The following MBOAT1 variants were observed in gnomAD, a reference collection of about 807,000 sequenced individuals.
MBOAT1 encodes membrane bound glycerophospholipid O-acyltransferase 1.
MBOAT1 carries 67 observed loss-of-function variants against 64.4 expected under a neutral mutation model. The ratio of observed to expected loss-of-function variants is 1.04; its 90% confidence interval spans 0.85 to 1.27. The LOEUF (loss-of-function observed/expected upper bound fraction) is 1.27. Among genes scored for constraint, MBOAT1 ranks in the 50% most tolerant of loss-of-function variants. The probability of loss-of-function intolerance (pLI) is 0.00; values close to 1 mark genes in which losing one functional copy is unlikely to be tolerated. For missense variants in MBOAT1, 563 were observed against 604.6 expected (o/e 0.93, Z 0.72); for synonymous variants, 229 against 218.9 (o/e 1.05, Z -0.41).
At chr6:20,126,054 A>C (rs143991776) in intron 7 of MBOAT1, 22 of 288,056 alleles carry the variant, frequency 7.6e-5, no homozygotes, top group Non-Finnish European at 1.3e-4. Flanking sequence ...TCTCAAGGTC[A>C]ACATAAGCAA....
In MBOAT1 at chr6:20,151,210, T is replaced by A. The variant is rs149062726; in HGVS notation, c.298A>T (p.Thr100Ser). ...CTGTGAATATTGGATACACTAGCAG[T>A]GACCATGATTGCATAGCACATTAAC... The part of the protein sequence containing the change: ...LVLMCYAIMV[T>S]ASVSNIHRYS... The change falls in exon 3 of 13, where the codon ACT becomes TCT. Residue 100 changes from threonine to serine, a missense_variant. By Grantham distance (58) the Thr-to-Ser change is moderately conservative. Transcript: ENST00000324607. 2.5e-4 allele frequency: 402 copies of A among 1,613,314 alleles called. 3 individuals are homozygous for A. Among genetic ancestry groups the A allele is most frequent in the Admixed American group, 1.2e-3 (71 of 59,986 alleles).
At chr6:20,190,696 C>T (rs149398247) in intron 1 of MBOAT1, among the ~76,000 whole-genome samples, 128 of 151,642 alleles carry the variant, frequency 8.4e-4, no homozygotes, top group African/African-American at 3.0e-3. Flanking sequence ...TGAGAAAGGC[C>T]ACTGCTTAAA....
intron 1 of MBOAT1, among the ~76,000 whole-genome samples, chr6:20,191,679 T>C (rs1762805911): frequency 6.6e-6 from 1 of 152,180 alleles, no homozygotes; most frequent in Non-Finnish European, 1.5e-5. Flanking sequence ...TTTCACCACA[T>C]TGGACAAGCC....
intron 1 of MBOAT1, among the ~76,000 whole-genome samples, chr6:20,165,495 C>A (rs1761990245): frequency 6.6e-6 from 1 of 152,160 alleles, no homozygotes; most frequent in Non-Finnish European, 1.5e-5. Flanking sequence ...GTAATCCTAG[C>A]ACTTTGGGAG....
chr6:20,209,445 A>G (rs1763356738), intron 1 of MBOAT1, among the ~76,000 whole-genome samples: 1 of 151,918 alleles, frequency 6.6e-6, no homozygotes, highest in Non-Finnish European at 1.5e-5. Flanking sequence ...TGGAAGAATC[A>G]GATGAAAAAG....
chr6:20,160,348 A>G (rs1413556853), intron 1 of MBOAT1, among the ~76,000 whole-genome samples: 2 of 152,252 alleles, frequency 1.3e-5, no homozygotes, highest in African/African-American at 4.8e-5. Flanking sequence ...ACAAATAGCA[A>G]ATATTAACGG....
chr6:20,126,963 C>A (rs1337647451), intron 6 of MBOAT1, among the ~76,000 whole-genome samples: 1 of 152,154 alleles, frequency 6.6e-6, no homozygotes, highest in African/African-American at 2.4e-5. Context: ...TGGGCGAGGG[C>A]AAGTGCAACT....
At chr6:20,116,044 T>C (rs1475572084) in intron 9 of MBOAT1, among the ~76,000 whole-genome samples, 1 of 151,070 alleles carries the variant, frequency 6.6e-6, no homozygotes, top group African/African-American at 2.4e-5. Context: ...ATAAAAAGCA[T>C]GATGCAGCCG....
intron 9 of MBOAT1, among the ~76,000 whole-genome samples, chr6:20,117,027 T>G (rs560330757): frequency 6.6e-6 from 1 of 152,244 alleles, no homozygotes; most frequent in African/African-American, 2.4e-5. Flanking sequence ...TTACGGATCA[T>G]GTATACTGTT....
At chr6:20,194,362 T>C (rs1762894034) in intron 1 of MBOAT1, among the ~76,000 whole-genome samples, 1 of 152,206 alleles carries the variant, frequency 6.6e-6, no homozygotes, top group Non-Finnish European at 1.5e-5. Flanking sequence ...GGTCACCATA[T>C]TGCATTTACA....
intron 8 of MBOAT1, 132 bp downstream of exon 8, chr6:20,124,276 G>A: frequency 1.2e-6 from 1 of 819,266 alleles, no homozygotes; most frequent in Non-Finnish European, 1.9e-6. Context: ...CGTTAAAACT[G>A]ACCCTGACTC....
At chr6:20,153,155 T>A (rs531668840) in intron 1 of MBOAT1, among the ~76,000 whole-genome samples, 1 of 152,320 alleles carries the variant, frequency 6.6e-6, no homozygotes, top group East Asian at 1.9e-4. Context: ...TTTTGCAGAT[T>A]TCCACATCAA....
At chr6:20,199,030 C>T (rs909751739) in intron 1 of MBOAT1, among the ~76,000 whole-genome samples, 2 of 152,322 alleles carry the variant, frequency 1.3e-5, no homozygotes, top group African/African-American at 4.8e-5. Flanking sequence ...GCCAAATGTT[C>T]GAATCCTCTT....
At chr6:20,183,885 C>T (rs1010489145) in intron 1 of MBOAT1, among the ~76,000 whole-genome samples, 1 of 152,170 alleles carries the variant, frequency 6.6e-6, no homozygotes, top group African/African-American at 2.4e-5. Context: ...AGGCGAAAGG[C>T]ACTTCTTACA....
chr6:20,103,210 C>G (rs1445275056), intron 12 of MBOAT1, among the ~76,000 whole-genome samples: 1 of 152,118 alleles, frequency 6.6e-6, no homozygotes, highest in East Asian at 1.9e-4. Flanking sequence ...CCTCTGAAGA[C>G]CTCCCACAAT....
rs115576113 is a variant in MBOAT1 at position 20,108,385 on chromosome 6, G to C, written c.1361+1213C>G. 1.5e-3 allele frequency among the ~76,000 whole-genome samples: 233 copies of C among 152,272 alleles called. 1 individual carries two copies. Among genetic ancestry groups the C allele is most frequent in the African/African-American group, 5.2e-3 (217 of 41,544 alleles). ...CATAGAAAAATTTGGGTATAAACCA[G>C]TACAGCTTCCATGTTATATTGACAT... is the stretch of plus-strand genomic sequence containing the variant. On this transcript the variant is annotated intron_variant, in intron 12 of 12. Coordinates refer to ENST00000324607, the MANE Select transcript of MBOAT1 (RefSeq NM_001080480.3).
At chr6:20,157,660 C>A (rs1415290670) in intron 1 of MBOAT1, among the ~76,000 whole-genome samples, 1 of 151,972 alleles carries the variant, frequency 6.6e-6, no homozygotes, top group Non-Finnish European at 1.5e-5. Context: ...CTTACTCTAT[C>A]CTCAGTGTTG....
intron 1 of MBOAT1, among the ~76,000 whole-genome samples, chr6:20,154,243 G>A (rs1435182420): frequency 6.6e-6 from 1 of 152,054 alleles, no homozygotes; most frequent in Non-Finnish European, 1.5e-5. Context: ...TTTTAAAGTT[G>A]ACCGTTGGCC....
intron 11 of MBOAT1, among the ~76,000 whole-genome samples, chr6:20,110,157 C>T: frequency 6.6e-6 from 1 of 151,492 alleles, no homozygotes; most frequent in Non-Finnish European, 1.5e-5. Context: ...GATCTGCCCA[C>T]CTTGGCCGCC....
Sources: allele counts gnomAD v4.1 joint callset (sites outside exome capture counted in the v4.1 genomes callset), GRCh38; gene constraint gnomAD v4.1.1; transcripts MANE v1.5; gene names NCBI Gene and HGNC (gene_info 2026-07-23, HGNC 2026-07-21).